NFAT5: variants seen among roughly 807,000 people sequenced by gnomAD.
NFAT5 encodes nuclear factor of activated T cells 5.
NFAT5 carries 31 observed loss-of-function variants against 166.5 expected under a neutral mutation model. The ratio of observed to expected loss-of-function variants is 0.19; its 90% CI spans 0.14 to 0.25. The LOEUF (loss-of-function observed/expected upper bound fraction) is 0.25, where lower values mean the gene tolerates loss of function less well. Among genes scored for constraint, NFAT5 ranks in the 10% least tolerant of loss-of-function variants. The pLI is 1.00. For missense variants in NFAT5, 1,449 were observed against 1,821.8 expected, an observed-to-expected ratio of 0.80 and a Z score of 3.72; for synonymous variants, 612 against 639.7, an observed-to-expected ratio of 0.96 and a Z score of 0.65.
Position 69,640,863 on chromosome 16 carries a change from C to T in NFAT5, c.254-6165C>T, listed in dbSNP as rs190955217. Reference sequence around the variant, plus strand: ...GGGCGTGGTGGTGCATGCCTGTAATCCCAGCTACTTGGGTGGCTGAGGCAG... The same window carrying T: ...GGGCGTGGTGGTGCATGCCTGTAATTCCAGCTACTTGGGTGGCTGAGGCAG... On this transcript the variant is annotated intron_variant, in intron 3 of 14. Coordinates refer to ENST00000349945, the MANE Select transcript of NFAT5 (RefSeq NM_138713.4). Among the ~76,000 whole-genome samples, 54 of 152,034 alleles carry T rather than the reference C, an allele frequency of 3.6e-4. 1 individual carries two copies. In the East Asian group the frequency reaches 6.6e-3, roughly 18 times the overall value.
chr16:69,647,056 C>T lies in NFAT5; in HGVS notation c.282C>T (p.Ser94=). 2 of 1,596,104 alleles carry T rather than the reference C, an allele frequency of 1.3e-6. No homozygotes were observed. The highest frequency in any genetic ancestry group is 1.7e-6 in the Non-Finnish European group (2 of 1,168,608). The part of the protein sequence containing the change: ...ADASSAPSSS[S]MGGACSSFTT... ...CTTCTTCAGCTCCCTCCTCTTCCTC[C>T]ATGGGCGGTGCTTGCAGCTCCTTTA... The change falls in exon 4 of 15, where the codon TCC becomes TCT. Residue 94 remains serine, a synonymous_variant. Coordinates refer to ENST00000349945, the MANE Select transcript of NFAT5 (RefSeq NM_138713.4). This position sits in a 1 kb window ranked among gnomAD's most constrained non-coding sequence, Gnocchi z 4.8.
intron 4 of NFAT5, chr16:69,649,507 T>C (rs1267272363): frequency 2.0e-6 from 2 of 982,028 alleles, no homozygotes; most frequent in East Asian, 2.3e-4. Flanking sequence ...ACAGACTCTT[T>C]CATGAAATAA....
At chr16:69,595,120 A>G (rs1042567542) in intron 2 of NFAT5, among the ~76,000 whole-genome samples, 2 of 152,214 alleles carry the variant, frequency 1.3e-5, no homozygotes, top group African/African-American at 4.8e-5. Flanking sequence ...AGATACACCC[A>G]GGAACAATAC....
chr16:69,652,484 T>C (rs904801818), intron 4 of NFAT5, among the ~76,000 whole-genome samples: 2 of 149,828 alleles, frequency 1.3e-5, no homozygotes, highest in Admixed American at 6.7e-5. Context: ...AGAATGCTGG[T>C]GCTGTAAAGC....
intron 2 of NFAT5, among the ~76,000 whole-genome samples, chr16:69,571,129 TAAAAAAAAAAAA>T (rs56221116): frequency 1.3e-4 from 4 of 31,378 alleles, no homozygotes; most frequent in African/African-American, 1.6e-4. Context: ...CCATCTCTAC[TAAAAAAAAAAAA>T]AAAAAAAAAA....
At chr16:69,695,640 G>A (rs1241281416) in intron 14 of NFAT5, 2 of 284,620 alleles carry the variant, frequency 7.0e-6, no homozygotes, top group East Asian at 6.3e-5. Flanking sequence ...TCAGGCGATC[G>A]AGACCATCCT....
Position 69,655,590 on chromosome 16 carries a change from G to A in NFAT5, c.1006-19G>A, listed in dbSNP as rs2035844921. On this transcript the variant is annotated intron_variant, in intron 5 of 14. Coordinates refer to ENST00000349945, the MANE Select transcript of NFAT5 (RefSeq NM_138713.4). ...TGAAATACTAATTAGTGTTTCTGTT[G>A]CATGTTTTCTGGTTTCAGCTGGAAG... The A allele has an allele frequency of 6.5e-7, 1 of 1,532,394 alleles. No individual in the cohort carries two copies. The highest frequency in any genetic ancestry group is 8.8e-7 in the Non-Finnish European group (1 of 1,135,628). The allele number at this position is 1,532,394 out of a possible 1,614,324, so 94.9% of individuals were successfully genotyped here.
chr16:69,632,031 AT>A (rs985810808), intron 3 of NFAT5: 1 of 152,204 alleles, frequency 6.6e-6, no homozygotes, highest in Non-Finnish European at 1.5e-5. Flanking sequence ...TTTCTACAAA[AT>A]TTCATTGAGT....
intron 2 of NFAT5, among the ~76,000 whole-genome samples, chr16:69,618,131 C>G (rs2034039606): frequency 6.9e-6 from 1 of 145,720 alleles, no homozygotes; most frequent in Non-Finnish European, 1.5e-5. Context: ...GCACTCCAGC[C>G]TGGGCAACAA....
intron 2 of NFAT5, among the ~76,000 whole-genome samples, chr16:69,570,866 A>C (rs978993473): frequency 1.3e-5 from 2 of 152,130 alleles, no homozygotes; most frequent in African/African-American, 4.8e-5. Flanking sequence ...TCTCATCTTT[A>C]AACGGGAGCA....
chr16:69,585,267 C>T (rs183527360), intron 2 of NFAT5, among the ~76,000 whole-genome samples: 36 of 152,162 alleles, frequency 2.4e-4, no homozygotes, highest in African/African-American at 8.2e-4. Flanking sequence ...CCTCGGCCTC[C>T]CAAAGTGCTG....
At chr16:69,619,034 A>G (rs1335066723) in intron 2 of NFAT5, among the ~76,000 whole-genome samples, 2 of 152,218 alleles carry the variant, frequency 1.3e-5, no homozygotes, top group African/African-American at 4.8e-5. Flanking sequence ...ACCTCTGTAT[A>G]GATGCAAGTC....
chr16:69,643,410 A>G (rs1211214136), intron 3 of NFAT5, among the ~76,000 whole-genome samples: 2 of 151,462 alleles, frequency 1.3e-5, no homozygotes, highest in African/African-American at 2.4e-5. Context: ...TTCTGATATC[A>G]TTATTTTATG....
chr16:69,693,245 C>T lies in NFAT5; in HGVS notation c.3420C>T (p.Thr1140=). The change falls in exon 13 of 15, where the codon ACC becomes ACT. Residue 1140 remains threonine (T), a synonymous_variant. Coordinates refer to ENST00000349945, the MANE Select transcript of NFAT5 (RefSeq NM_138713.4). ...CTCCAATGTTTCACTCTCAAAGTAC[C>T]ATTGCTGTGTTACAGGGCTCTTCAG... The part of the protein sequence containing the change: ...MQPPMFHSQS[T]IAVLQGSSVP... The T allele has an allele frequency of 1.2e-6, 2 of 1,614,158 alleles. No homozygotes were observed.
chr16:69,646,184 T>G (rs760878971), intron 3 of NFAT5, among the ~76,000 whole-genome samples: 14 of 152,186 alleles, frequency 9.2e-5, no homozygotes, highest in Non-Finnish European at 1.9e-4. Flanking sequence ...AGTACTTTAT[T>G]AAGAGAAATC....
intron 3 of NFAT5, among the ~76,000 whole-genome samples, chr16:69,641,954 C>A (rs946656325): frequency 1.3e-5 from 2 of 151,828 alleles, no homozygotes; most frequent in African/African-American, 4.8e-5. Flanking sequence ...CAAAAATTAG[C>A]CAGGTATGGT....
Position 69,704,017 on chromosome 16 carries a change from C to T in NFAT5, c.*7666C>T, listed in dbSNP as rs2037941781. 6.6e-6 allele frequency: 1 copy of T among 152,542 alleles called. No homozygotes were observed. Among genetic ancestry groups the T allele is most frequent in the Admixed American group, 6.5e-5 (1 of 15,272 alleles). 9.4% of individuals were successfully genotyped at this position (152,542 alleles called of 1,614,324 possible). On this transcript the variant is annotated 3_prime_UTR_variant, in exon 15 of 15. Coordinates refer to ENST00000349945, the MANE Select transcript of NFAT5 (RefSeq NM_138713.4). ...AACCTCAGGACAACGTCTACACACA[C>T]ACACATACATACACGCACACAAAAT... is the stretch of plus-strand genomic sequence containing the variant.
chr16:69,630,111 AT>A (rs71385615), intron 3 of NFAT5, among the ~76,000 whole-genome samples: 1 of 151,858 alleles, frequency 6.6e-6, no homozygotes, highest in Non-Finnish European at 1.5e-5. Context: ...AAATTTTTGT[AT>A]TTTTAGTAGA....
Position 69,693,281 on chromosome 16 carries a change from C to G in NFAT5, c.3456C>G (p.Asp1152Glu). The G allele has an allele frequency of 6.2e-7, 1 of 1,614,146 alleles. No individual in the cohort carries two copies. The highest frequency in any genetic ancestry group is 8.5e-7 in the Non-Finnish European group (1 of 1,179,988). ...AVLQGSSVPQ[D>E]QQSTNIFLSQ... is the part of the protein sequence containing the mutation. ...TACAGGGCTCTTCAGTTCCTCAAGA[C>G]CAGCAGTCAACCAACATATTTCTTT... Residue 1152 changes from aspartate to glutamate, a missense_variant, in exon 13 of 15, where the codon GAC becomes GAG. By Grantham distance (45) the Asp-to-Glu change is conservative. Transcript: ENST00000349945.
Sources: gnomAD v4.1 joint callset for allele counts (sites outside exome capture counted in the v4.1 genomes callset) on GRCh38, gnomAD v4.1.1 for gene constraint, Gnocchi (gnomAD v3.1) non-coding constraint, MANE v1.5 for transcripts, NCBI Gene and HGNC (gene_info 2026-07-23, HGNC 2026-07-21) for gene names.